EPHA5: variants seen among roughly 807,000 people sequenced by gnomAD.
EPHA5 encodes the protein EPH receptor A5, also known as ephrin type-A receptor 5.
EPHA5 carries 60 observed loss-of-function variants against 105.0 expected under a neutral mutation model. The observed-to-expected ratio is 0.57, with a 90% CI of 0.46 to 0.71. The LOEUF (loss-of-function observed/expected upper bound fraction) is 0.71, where lower values mean the gene tolerates loss of function less well. Among genes scored for constraint, EPHA5 ranks in the 30% least tolerant of loss-of-function variants. The probability of loss-of-function intolerance (pLI) is 0.00; values close to 1 mark genes in which losing one functional copy is unlikely to be tolerated. For missense variants in EPHA5, 1,218 were observed against 1,274.7 expected (o/e 0.96, Z 0.68); for synonymous variants, 513 against 449.1 (o/e 1.14, Z -1.80).
chr4:65,493,573 T>A (rs1043122820), intron 4 of EPHA5, among the ~76,000 whole-genome samples: 7 of 152,172 alleles, frequency 4.6e-5, no homozygotes, highest in African/African-American at 1.7e-4. Context: ...ATTAGAAAGA[T>A]CTTATACATA....
At chr4:65,379,374 A>G (rs1313964118) in intron 8 of EPHA5, among the ~76,000 whole-genome samples, 1 of 151,750 alleles carries the variant, frequency 6.6e-6, no homozygotes, top group African/African-American at 2.4e-5. Flanking sequence ...TTATAATTTC[A>G]ATAAAATTTG....
intron 5 of EPHA5, among the ~76,000 whole-genome samples, chr4:65,447,794 C>CAA (rs35534836): frequency 6.9e-6 from 1 of 144,736 alleles, no homozygotes; most frequent in African/African-American, 2.6e-5. Flanking sequence ...CTTATCTGAC[C>CAA]AAAAAAAAAA....
intron 14 of EPHA5, among the ~76,000 whole-genome samples, chr4:65,344,391 T>C (rs1722020827): frequency 6.6e-6 from 1 of 152,156 alleles, no homozygotes; most frequent in African/African-American, 2.4e-5. Flanking sequence ...AACATTCACC[T>C]AGCACCAGTG....
intron 5 of EPHA5, among the ~76,000 whole-genome samples, chr4:65,426,684 T>C (rs982672843): frequency 6.6e-6 from 1 of 152,174 alleles, no homozygotes; most frequent in African/African-American, 2.4e-5. Context: ...GGTCCTACTT[T>C]ATAGTTTTTA....
intron 8 of EPHA5, among the ~76,000 whole-genome samples, chr4:65,371,234 CT>C (rs1413516136): frequency 2.6e-5 from 4 of 151,896 alleles, no homozygotes; most frequent in African/African-American, 7.3e-5. Context: ...TACTCATGTC[CT>C]TTTGGAAAAC....
chr4:65,495,542 CA>C lies in EPHA5; in HGVS notation c.911del (p.Val304GlyfsTer118). 1 of 1,608,374 alleles carries C rather than the reference CA, an allele frequency of 6.2e-7. No individual in the cohort carries two copies. The highest frequency in any genetic ancestry group is 8.5e-7 in the Non-Finnish European group (1 of 1,177,878). On this transcript the variant is annotated frameshift_variant and splice_region_variant, in exon 4 of 17. Transcript: ENST00000613740. LOFTEE classifies it high-confidence loss of function. ...AGGCTTTGAAGAACCCAGGTCTGCA[CA>C]CTGTCAAAAGAAATAAGAGACTAAG... ...GYEEKNGTCQ[V>X]CRPGFFKASP...
chr4:65,398,204 C>T (rs558187129), intron 8 of EPHA5, among the ~76,000 whole-genome samples: 179 of 152,300 alleles, frequency 1.2e-3, no homozygotes, highest in African/African-American at 4.1e-3. Context: ...GCTCCTGGTG[C>T]CCACTCTGAT....
chr4:65,552,672 C>G (rs998900287), intron 3 of EPHA5, among the ~76,000 whole-genome samples: 3 of 152,052 alleles, frequency 2.0e-5, no homozygotes, highest in Admixed American at 2.0e-4. Context: ...TATAGAGTCT[C>G]TTAGTGTCAG....
intron 5 of EPHA5, among the ~76,000 whole-genome samples, chr4:65,465,776 A>T (rs2149144064): frequency 1.3e-5 from 2 of 152,348 alleles, no homozygotes; most frequent in Middle Eastern, 6.8e-3. Flanking sequence ...TTAGCTCCAT[A>T]AAAGAGCAAA....
chr4:65,648,325 T>C (rs1375675067), intron 1 of EPHA5, among the ~76,000 whole-genome samples: 1 of 152,210 alleles, frequency 6.6e-6, no homozygotes, highest in African/African-American at 2.4e-5. Flanking sequence ...CTTGCCAACT[T>C]AAGTCACTAT....
At chr4:65,523,983 G>A (rs7684022) in intron 3 of EPHA5, among the ~76,000 whole-genome samples, 106,459 of 151,618 alleles carry the variant, frequency 0.7, 37,544 homozygotes, top group East Asian at 0.8. Context: ...AATCCTAGAA[G>A]TAATTCAAAA....
intron 2 of EPHA5, among the ~76,000 whole-genome samples, chr4:65,627,549 T>C (rs1299086651): frequency 6.6e-6 from 1 of 152,156 alleles, no homozygotes; most frequent in South Asian, 2.1e-4. Context: ...AACTGTAATG[T>C]TTGTCCTGTT....
Position 65,545,214 on chromosome 4 carries a change from A to G in EPHA5, c.911-49671T>C, listed in dbSNP as rs976056048. ...GAGAATCAGCATCTATGATTCTTTA[A>G]TAAGCATATTTTTGCTATCTTCCCT... On this transcript the variant is annotated intron_variant, in intron 3 of 16. Transcript: ENST00000613740. Among the ~76,000 whole-genome samples the G allele has an allele frequency of 3.3e-5, 5 of 151,900 alleles. No individual in the cohort carries two copies. The Admixed American group carries it at 3.3e-4, about 10-fold the overall frequency.
intron 1 of EPHA5, chr4:65,669,290 C>G: frequency 2.8e-6 from 2 of 711,764 alleles, no homozygotes; most frequent in Non-Finnish European, 3.4e-6. Context: ...ACCTCCTTTC[C>G]CCCAAGGTTT....
At chr4:65,347,948 C>T (rs1328678762) in intron 14 of EPHA5, 106 bp downstream of exon 14, 1 of 1,190,680 alleles carries the variant, frequency 8.4e-7, no homozygotes, top group East Asian at 2.5e-5. Context: ...CAAAGTATTT[C>T]ATTTTCTTAA....
At chr4:65,411,330 A>T (rs6823020) in intron 7 of EPHA5, among the ~76,000 whole-genome samples, 1 of 151,814 alleles carries the variant, frequency 6.6e-6, no homozygotes. Context: ...AAATAAAAGC[A>T]CTCATAACAT....
intron 2 of EPHA5, among the ~76,000 whole-genome samples, chr4:65,630,912 C>G (rs953235083): frequency 6.6e-6 from 1 of 152,112 alleles, no homozygotes; most frequent in African/African-American, 2.4e-5. Context: ...TTCCTGGAAA[C>G]TGTCCCTGTA....
chr4:65,380,560 C>T (rs903117970), intron 8 of EPHA5, among the ~76,000 whole-genome samples: 6 of 151,344 alleles, frequency 4.0e-5, no homozygotes, highest in Middle Eastern at 3.2e-3. Context: ...AACAAGAGAT[C>T]ATAGAATTGG....
At chr4:65,538,629 A>G (rs1736524488) in intron 3 of EPHA5, among the ~76,000 whole-genome samples, 2 of 151,690 alleles carry the variant, frequency 1.3e-5, no homozygotes. Context: ...GCAGAGACAG[A>G]CAAGTGACTC....
Sources: gnomAD v4.1 joint callset for allele counts (sites outside exome capture counted in the v4.1 genomes callset) on GRCh38, gnomAD v4.1.1 for gene constraint, MANE v1.5 for transcripts, NCBI Gene and HGNC (gene_info 2026-07-23, HGNC 2026-07-21) for gene names.